Variants in EYS observed in about 807,000 individuals in gnomAD.
The protein encoded by EYS is protein eyes shut homolog.
EYS carries 250 observed loss-of-function variants against 282.1 expected under a neutral mutation model. The ratio of observed to expected loss-of-function variants is 0.89; its 90% confidence interval spans 0.80 to 0.98. The LOEUF (loss-of-function observed/expected upper bound fraction) is 0.98. Among genes scored for constraint, EYS ranks in the 50% least tolerant of loss-of-function variants. The pLI, the probability that EYS is intolerant of heterozygous loss-of-function variation, is 0.00. For synonymous variants in EYS, 1,355 were observed against 1,282.9 expected (o/e 1.06, Z -1.20); for missense variants, 4,016 against 3,709.0 (o/e 1.08, Z -2.15).
chr6:64,968,679 G>T (rs559804184), intron 14 of EYS, among the ~76,000 whole-genome samples: 1 of 152,060 alleles, frequency 6.6e-6, no homozygotes, highest in African/African-American at 2.4e-5. Flanking sequence ...CCTACTCCAT[G>T]TTTATTTTCT....
chr6:65,245,329 C>A (rs1355060600), intron 12 of EYS, among the ~76,000 whole-genome samples: 1 of 152,100 alleles, frequency 6.6e-6, no homozygotes, highest in African/African-American at 2.4e-5. Flanking sequence ...TACAGATTAC[C>A]TATTTTTCCA....
chr6:64,330,795 C>A (rs553702647), intron 29 of EYS, among the ~76,000 whole-genome samples: 2 of 152,222 alleles, frequency 1.3e-5, no homozygotes, highest in East Asian at 3.9e-4. Context: ...GTTAAGATAT[C>A]AAGGACTTTT....
rs372039447 is a variant in EYS, at chr6:64,368,871, G to A, written c.6078+19819C>T. Among the ~76,000 whole-genome samples the A allele has an allele frequency of 5.3e-5, 8 of 152,128 alleles. No homozygotes were observed. In the East Asian group the frequency reaches 1.2e-3, roughly 22 times the overall value. On this transcript the variant is annotated intron_variant, in intron 29 of 42. Transcript: ENST00000503581. ...CTGTAGTTTGTTGGTTTACTTTGTT[G>A]ATATTTCCTTTGCTGTGCAGGAGCT...
intron 12 of EYS, among the ~76,000 whole-genome samples, chr6:65,140,308 AAAAT>A (rs1446835392): frequency 1.3e-5 from 2 of 152,048 alleles, no homozygotes; most frequent in African/African-American, 4.8e-5. Context: ...TGAAAATACA[AAAAT>A]AAAATTTGTT....
chr6:64,276,923 A>T (rs1220774932), intron 30 of EYS, among the ~76,000 whole-genome samples: 1 of 152,142 alleles, frequency 6.6e-6, no homozygotes, highest in Admixed American at 6.5e-5. Context: ...AATGTCAAAA[A>T]GTTATATAAA....
intron 13 of EYS, among the ~76,000 whole-genome samples, chr6:65,006,519 A>AAAG (rs1288191142): frequency 7.4e-6 from 1 of 135,172 alleles, no homozygotes; most frequent in East Asian, 1.9e-4. Flanking sequence ...AAAAAAAAAA[A>AAAG]AAAAGCAAAA....
chr6:65,445,547 T>A (rs931851342), intron 5 of EYS, among the ~76,000 whole-genome samples: 5 of 151,778 alleles, frequency 3.3e-5, no homozygotes, highest in African/African-American at 1.2e-4. Context: ...CTTCATGTGA[T>A]TTTAGGTTTA....
At chr6:64,704,493 A>ATATACTTATAATTATATTATAAT (rs1770911168) in intron 22 of EYS, among the ~76,000 whole-genome samples, 1 of 12,592 alleles carries the variant, frequency 7.9e-5, no homozygotes, top group African/African-American at 1.6e-4. Context: ...TATAATTATA[A>ATATACTTATAATTATATTATAAT]TATAATACTT....
intron 16 of EYS, among the ~76,000 whole-genome samples, chr6:64,904,448 C>T (rs571196327): frequency 3.9e-5 from 6 of 152,126 alleles, no homozygotes; most frequent in African/African-American, 1.2e-4. Flanking sequence ...ATTCTTCAAT[C>T]GCCATTGCTG....
chr6:64,132,829 G>T (rs1774028248), intron 31 of EYS, among the ~76,000 whole-genome samples: 1 of 151,830 alleles, frequency 6.6e-6, no homozygotes, highest in Non-Finnish European at 1.5e-5. Context: ...AATACTTGAA[G>T]ATTAATACAG....
intron 22 of EYS, among the ~76,000 whole-genome samples, chr6:64,668,992 C>A (rs2149894448): frequency 6.6e-6 from 1 of 152,214 alleles, no homozygotes; most frequent in East Asian, 1.9e-4. Context: ...TTTCTTTCTT[C>A]TTAGCTTCTG....
At chr6:65,145,366 A>C (rs2150211518) in intron 12 of EYS, among the ~76,000 whole-genome samples, 1 of 152,162 alleles carries the variant, frequency 6.6e-6, no homozygotes, top group Non-Finnish European at 1.5e-5. Flanking sequence ...TAAAGTTACT[A>C]GTGGAGTTAT....
intron 31 of EYS, among the ~76,000 whole-genome samples, chr6:64,085,338 G>GCACA (rs749247868): frequency 0.049 from 4,179 of 85,508 alleles, 63 homozygotes; most frequent in Non-Finnish European, 0.072. Flanking sequence ...GCACGTGCGC[G>GCACA]CGCACACACA....
At chr6:65,011,495 C>T (rs1324567398) in intron 13 of EYS, among the ~76,000 whole-genome samples, 1 of 152,176 alleles carries the variant, frequency 6.6e-6, no homozygotes, top group Admixed American at 6.5e-5. Context: ...AGCCCATGCT[C>T]TGAAGTTAAT....
intron 8 of EYS, among the ~76,000 whole-genome samples, chr6:65,371,741 C>CTG (rs112663745): frequency 0.18 from 12,551 of 69,920 alleles, 1,133 homozygotes; most frequent in East Asian, 0.37. Flanking sequence ...CTCTCTCTCT[C>CTG]TGTGTGTGTG....
chr6:64,134,012 A>AT (rs1774078961), intron 31 of EYS, among the ~76,000 whole-genome samples: 1 of 152,022 alleles, frequency 6.6e-6, no homozygotes, highest in Admixed American at 6.6e-5. Flanking sequence ...GAATAGTTAG[A>AT]TAAAAAGCTC....
intron 33 of EYS, among the ~76,000 whole-genome samples, chr6:64,036,899 C>T (rs1770150330): frequency 6.6e-6 from 1 of 152,118 alleles, no homozygotes; most frequent in Non-Finnish European, 1.5e-5. Flanking sequence ...GAACTCGGGA[C>T]CATCTAATTC....
At chr6:64,000,558 T>C (rs756507417) in intron 33 of EYS, among the ~76,000 whole-genome samples, 28 of 152,134 alleles carry the variant, frequency 1.8e-4, no homozygotes, top group Non-Finnish European at 3.7e-4. Context: ...TTGGTCATTT[T>C]ATTTTTAAAA....
intron 22 of EYS, chr6:64,733,307 T>G: frequency 6.0e-6 from 1 of 166,812 alleles, no homozygotes; most frequent in Non-Finnish European, 1.3e-5. Flanking sequence ...GGGCCCCTGT[T>G]CAGATGGCAG....
Sources: allele counts gnomAD v4.1 joint callset (sites outside exome capture counted in the v4.1 genomes callset), GRCh38; gene constraint gnomAD v4.1.1; transcripts MANE v1.5; gene names NCBI Gene and HGNC (gene_info 2026-07-23, HGNC 2026-07-21).